Variants in ANKRD18A observed in about 807,000 individuals in gnomAD.
The protein encoded by ANKRD18A is ankyrin repeat domain 18A.
Under a neutral mutation model 110.6 loss-of-function variants are expected in ANKRD18A, and 72 were observed. The ratio of observed to expected loss-of-function variants is 0.65; its 90% CI spans 0.54 to 0.79. The LOEUF (loss-of-function observed/expected upper bound fraction) is 0.79. Among genes scored for constraint, ANKRD18A ranks in the 30% least tolerant of loss-of-function variants. ANKRD18A has a pLI of 0.00. For missense variants in ANKRD18A, 934 were observed against 1,163.3 expected, an observed-to-expected ratio of 0.80 and a Z score of 2.87; for synonymous variants, 305 against 410.3, an observed-to-expected ratio of 0.74 and a Z score of 3.10.
intron 10 of ANKRD18A, among the ~76,000 whole-genome samples, chr9:38,591,127 G>C (rs866012320): frequency 6.7e-6 from 1 of 150,232 alleles, no homozygotes; most frequent in Admixed American, 6.6e-5. Flanking sequence ...TGCCCCAGCT[G>C]TTTAATTTTT....
At chr9:38,594,162 A>G (rs983710648) in intron 9 of ANKRD18A, among the ~76,000 whole-genome samples, 3 of 152,268 alleles carry the variant, frequency 2.0e-5, no homozygotes, top group East Asian at 3.9e-4. Flanking sequence ...TAGACCCTCA[A>G]CTCAACCTGA....
chr9:38,611,818 T>C (rs1233550985), intron 3 of ANKRD18A, among the ~76,000 whole-genome samples: 1 of 152,250 alleles, frequency 6.6e-6, no homozygotes, highest in Admixed American at 6.5e-5. Context: ...AACAAAAAGA[T>C]TCCATGATCA....
At chr9:38,585,672 T>G (rs553861552) in intron 12 of ANKRD18A, among the ~76,000 whole-genome samples, 28 of 152,316 alleles carry the variant, frequency 1.8e-4, no homozygotes, top group African/African-American at 5.8e-4. Flanking sequence ...ACCTTATGTT[T>G]AAATATAAAT....
At chr9:38,574,856 G>A (rs893226997) in intron 15 of ANKRD18A, among the ~76,000 whole-genome samples, 5 of 152,104 alleles carry the variant, frequency 3.3e-5, no homozygotes, top group African/African-American at 1.2e-4. Flanking sequence ...AGCACTTTGG[G>A]AGGCTGAGGT....
chr9:38,620,246 C>A lies in ANKRD18A; in HGVS notation c.40G>T (p.Ala14Ser). The A allele has an allele frequency of 4.5e-6, 7 of 1,551,398 alleles. No homozygotes were observed. The highest frequency in any genetic ancestry group is 5.2e-6 in the Non-Finnish European group (6 of 1,146,834). ...LFSFGRRLGQALLSSMDQEYA... is the reference protein window; with the variant it reads ...LFSFGRRLGQSLLSSMDQEYA... ...TCTTGGTCCATGGAGCTCAGGAGCG[C>A]CTGGCCCAGGCGTCTCCCGAAGCTG... Residue 14 changes from alanine (A) to serine (S), a missense_variant, in exon 1 of 16, where the codon GCG becomes TCG. Ala to Ser is a moderately conservative substitution (Grantham distance 99, BLOSUM62 1). Coordinates refer to ENST00000399703, the MANE Select transcript of ANKRD18A (RefSeq NM_147195.4).
At chr9:38,617,667 A>T (rs899727242) in intron 1 of ANKRD18A, among the ~76,000 whole-genome samples, 9 of 152,180 alleles carry the variant, frequency 5.9e-5, no homozygotes, top group African/African-American at 1.9e-4. Context: ...TTTGCTTGAA[A>T]GGTGGGAGGA....
chr9:38,605,681 C>A (rs76400255), intron 6 of ANKRD18A, among the ~76,000 whole-genome samples: 1 of 152,002 alleles, frequency 6.6e-6, no homozygotes, highest in Non-Finnish European at 1.5e-5. Context: ...GTGGTGCATT[C>A]CGGCTCACTG....
intron 8 of ANKRD18A, among the ~76,000 whole-genome samples, chr9:38,599,118 T>A (rs1825014608): frequency 6.6e-6 from 1 of 152,242 alleles, no homozygotes; most frequent in South Asian, 2.1e-4. Context: ...AGAAACAGGC[T>A]GCATGTCTGG....
At chr9:38,583,409 A>G (rs752718430) in intron 12 of ANKRD18A, among the ~76,000 whole-genome samples, 1 of 152,068 alleles carries the variant, frequency 6.6e-6, no homozygotes, top group African/African-American at 2.4e-5. Flanking sequence ...TTTGAGACGG[A>G]GTCTTGTTCC....
At chr9:38,612,548 C>T (rs577421254) in intron 3 of ANKRD18A, among the ~76,000 whole-genome samples, 1 of 121,624 alleles carries the variant, frequency 8.2e-6, no homozygotes, top group Non-Finnish European at 1.6e-5. Context: ...AATGGGGTCT[C>T]ACACTGTCAC....
At chr9:38,586,558 T>TG (rs1332153524) in intron 11 of ANKRD18A, among the ~76,000 whole-genome samples, 7 of 152,034 alleles carry the variant, frequency 4.6e-5, no homozygotes, top group Admixed American at 3.3e-4. Context: ...TTTTTGGTTT[T>TG]TTTTTTGTTT....
chr9:38,575,764 C>T (rs1372364882), intron 14 of ANKRD18A, 66 bp from the exon 15 acceptor site: 17 of 1,467,524 alleles, frequency 1.2e-5, no homozygotes, highest in East Asian at 2.5e-5. Context: ...TAATGACTTG[C>T]ATTTTTTAAA....
intron 15 of ANKRD18A, among the ~76,000 whole-genome samples, chr9:38,574,857 A>G (rs1011557609): frequency 1.3e-5 from 2 of 152,026 alleles, no homozygotes; most frequent in South Asian, 2.1e-4. Flanking sequence ...GCACTTTGGG[A>G]GGCTGAGGTG....
chr9:38,600,655 C>T (rs1825081282), intron 8 of ANKRD18A, among the ~76,000 whole-genome samples: 1 of 152,156 alleles, frequency 6.6e-6, no homozygotes, highest in African/African-American at 2.4e-5. Context: ...TGAACATAGA[C>T]ACTGAAGGCA....
At chr9:38,598,592 T>C (rs966008384) in intron 8 of ANKRD18A, among the ~76,000 whole-genome samples, 7 of 152,220 alleles carry the variant, frequency 4.6e-5, no homozygotes, top group Admixed American at 2.0e-4. Flanking sequence ...TTCTTAAGCC[T>C]TTGCATATCT....
chr9:38,603,322 A>T, intron 6 of ANKRD18A, 110 bp from the exon 7 acceptor site: 1 of 1,464,850 alleles, frequency 6.8e-7, no homozygotes, highest in South Asian at 1.3e-5. Flanking sequence ...AATCCTACCC[A>T]TCTTTTTTAG....
chr9:38,594,283 C>G (rs1017467172), intron 9 of ANKRD18A, among the ~76,000 whole-genome samples: 1 of 152,174 alleles, frequency 6.6e-6, no homozygotes, highest in Non-Finnish European at 1.5e-5. Flanking sequence ...ACCTCCCTCC[C>G]TGACCTCAGC....
At chr9:38,586,387 T>C in intron 11 of ANKRD18A, 75 bp from the exon 12 acceptor site, 5 of 1,290,114 alleles carry the variant, frequency 3.9e-6, no homozygotes, top group South Asian at 2.9e-5. Flanking sequence ...ACAGATATTA[T>C]GTTATGGCAT....
Position 38,586,272 on chromosome 9 carries a change from C to T in ANKRD18A, c.2158G>A (p.Ala720Thr), listed in dbSNP as rs761073552. Residue 720 changes from alanine to threonine, a missense_variant, in exon 12 of 16, where the codon GCA (alanine) becomes ACA (threonine). Physicochemically the swap from Ala to Thr is moderately conservative, Grantham distance 58 (BLOSUM62 0). Transcript: ENST00000399703. ...CAACTGAAGTCCTCATTTGCAAATG[C>T]ATTTAACATATTTATTGTCATTTCT... The part of the protein sequence containing the change: ...CLEMTINMLN[A>T]FANEDFSCHG... 59 of 1,602,720 alleles carry T rather than the reference C, an allele frequency of 3.7e-5. No individual in the cohort carries two copies. Among genetic ancestry groups the T allele is most frequent in the Non-Finnish European group, 4.8e-5 (56 of 1,173,404 alleles).
Sources: allele counts gnomAD v4.1 joint callset (sites outside exome capture counted in the v4.1 genomes callset), GRCh38; gene constraint gnomAD v4.1.1; transcripts MANE v1.5; gene names NCBI Gene and HGNC (gene_info 2026-07-23, HGNC 2026-07-21).